Variants in CTNNA3 observed in about 807,000 individuals in gnomAD.
CTNNA3 encodes the protein catenin alpha-3.
A neutral mutation model predicts 95.7 loss-of-function variants in CTNNA3; 76 were observed. The ratio of observed to expected loss-of-function variants is 0.79; its 90% CI spans 0.66 to 0.96. The LOEUF (loss-of-function observed/expected upper bound fraction) is 0.96, where lower values mean the gene tolerates loss of function less well. Among genes scored for constraint, CTNNA3 ranks in the 40% least tolerant of loss-of-function variants. CTNNA3 has a pLI of 0.00. For synonymous variants in CTNNA3, 431 were observed against 374.4 expected, an observed-to-expected ratio of 1.15 and a Z score of -1.74; for missense variants, 1,191 against 1,089.8, an observed-to-expected ratio of 1.09 and a Z score of -1.31.
chr10:67,159,410 G>T (rs1010395785), intron 7 of CTNNA3, among the ~76,000 whole-genome samples: 4 of 151,806 alleles, frequency 2.6e-5, no homozygotes, highest in Non-Finnish European at 5.9e-5. Flanking sequence ...TCATACTTCT[G>T]GATTTCAAAA....
chr10:67,292,128 G>A (rs956060646), intron 5 of CTNNA3, among the ~76,000 whole-genome samples: 1 of 152,150 alleles, frequency 6.6e-6, no homozygotes, highest in Admixed American at 6.5e-5. Context: ...CTTGAATGGC[G>A]GGTGGGGGTC....
chr10:66,763,337 C>CAGAGAGAGAA (rs1204351413), intron 9 of CTNNA3, among the ~76,000 whole-genome samples: 1 of 126,524 alleles, frequency 7.9e-6, no homozygotes, highest in African/African-American at 2.8e-5. Context: ...CACACACACA[C>CAGAGAGAGAA]ACACAGAGAG....
intron 7 of CTNNA3, among the ~76,000 whole-genome samples, chr10:67,110,511 G>A (rs1224086835): frequency 6.6e-6 from 1 of 152,106 alleles, no homozygotes; most frequent in Non-Finnish European, 1.5e-5. Context: ...ACAGTTTCCA[G>A]AAAGGCTTTA....
chr10:67,125,747 C>A (rs991471750), intron 7 of CTNNA3, among the ~76,000 whole-genome samples: 2 of 152,170 alleles, frequency 1.3e-5, no homozygotes, highest in Non-Finnish European at 2.9e-5. Context: ...ATGGCCTGGA[C>A]AGAGTGTGAA....
intron 1 of CTNNA3, among the ~76,000 whole-genome samples, chr10:67,726,604 AT>A (rs1159352480): frequency 3.8e-5 from 1 of 26,216 alleles, no homozygotes; most frequent in Admixed American, 7.0e-4. Context: ...TATATTACAT[AT>A]TATATAATAT....
At chr10:66,917,993 A>G (rs1213738040) in intron 7 of CTNNA3, among the ~76,000 whole-genome samples, 4 of 152,220 alleles carry the variant, frequency 2.6e-5, no homozygotes, top group Non-Finnish European at 5.9e-5. Context: ...ATTTAGGAAT[A>G]TATATAAAAC....
chr10:67,173,707 T>C (rs1427242695), intron 7 of CTNNA3, among the ~76,000 whole-genome samples: 2 of 152,220 alleles, frequency 1.3e-5, no homozygotes, highest in African/African-American at 2.4e-5. Context: ...ATTCTTACTA[T>C]ATTCCTGTCA....
At chr10:67,699,248 T>A (rs1408287745), upstream of CTNNA3, among the ~76,000 whole-genome samples, 1 of 152,138 alleles carries the variant, frequency 6.6e-6, no homozygotes, top group East Asian at 1.9e-4. Context: ...CTCCCTGTGG[T>A]TGCTACTTAG....
At chr10:67,547,210 C>T (rs768110927) in intron 3 of CTNNA3, among the ~76,000 whole-genome samples, 85 of 151,932 alleles carry the variant, frequency 5.6e-4, no homozygotes, top group Admixed American at 3.3e-3. Context: ...CATAGCACCT[C>T]CCCCCCAAAA....
intron 11 of CTNNA3, among the ~76,000 whole-genome samples, chr10:66,495,339 G>A (rs2456680): frequency 0.6 from 90,843 of 151,936 alleles, 28,076 homozygotes; most frequent in East Asian, 0.96. Flanking sequence ...AAATGTAAAG[G>A]AAGCTGATAT....
rs190920345 is a variant in CTNNA3 at position 66,916,763 on chromosome 10, G to A, written c.1048-141239C>T. Among the ~76,000 whole-genome samples, 112 of 152,292 alleles carry A rather than the reference G, an allele frequency of 7.4e-4. 1 individual carries two copies. Among genetic ancestry groups the A allele is most frequent in the Admixed American group, 3.3e-3 (51 of 15,310 alleles). On this transcript the variant is annotated intron_variant, in intron 7 of 17. Coordinates refer to ENST00000433211, the MANE Select transcript of CTNNA3 (RefSeq NM_013266.4). ...GTGCTGGGGGGAAATTGAATTGCAGGACACTCAGTTGATGTCCAGAGAGTT... is the reference window on the plus strand; with the variant it reads ...GTGCTGGGGGGAAATTGAATTGCAGAACACTCAGTTGATGTCCAGAGAGTT...
intron 5 of CTNNA3, among the ~76,000 whole-genome samples, chr10:67,253,751 G>A (rs1200787430): frequency 6.6e-6 from 1 of 152,146 alleles, no homozygotes; most frequent in African/African-American, 2.4e-5. Flanking sequence ...AATCATAAAT[G>A]AAAAACGATG....
chr10:67,499,851 T>C (rs1839171553), intron 5 of CTNNA3, among the ~76,000 whole-genome samples: 1 of 152,328 alleles, frequency 6.6e-6, no homozygotes, highest in African/African-American at 2.4e-5. Context: ...GCTAGAAGTC[T>C]ATCTATTTTG....
intron 16 of CTNNA3, among the ~76,000 whole-genome samples, chr10:65,982,834 T>C (rs1438327257): frequency 6.6e-6 from 1 of 151,352 alleles, no homozygotes; most frequent in East Asian, 1.9e-4. Flanking sequence ...ATACGCATAT[T>C]GTCACAAGGT....
intron 10 of CTNNA3, among the ~76,000 whole-genome samples, chr10:66,606,051 C>T (rs1347608029): frequency 2.0e-5 from 3 of 151,776 alleles, no homozygotes; most frequent in South Asian, 4.2e-4. Context: ...GCAATGACAC[C>T]CATAGGCTCA....
At chr10:67,481,002 A>T (rs952797975) in intron 5 of CTNNA3, among the ~76,000 whole-genome samples, 4 of 152,230 alleles carry the variant, frequency 2.6e-5, no homozygotes. Flanking sequence ...GTTTTTTATC[A>T]TGAAGCAGTG....
intron 7 of CTNNA3, among the ~76,000 whole-genome samples, chr10:66,922,589 T>C (rs1266041940): frequency 1.3e-5 from 2 of 152,190 alleles, no homozygotes; most frequent in East Asian, 3.9e-4. Flanking sequence ...TGATGCCGAC[T>C]TAAGGGGTCG....
chr10:67,349,681 G>C (rs188410696), intron 5 of CTNNA3, among the ~76,000 whole-genome samples: 187 of 152,196 alleles, frequency 1.2e-3, no homozygotes, highest in Non-Finnish European at 1.5e-3. Context: ...TAAAAAATTT[G>C]TTGAAAGTAG....
intron 9 of CTNNA3, among the ~76,000 whole-genome samples, chr10:66,706,829 A>G (rs1266679755): frequency 6.6e-6 from 1 of 152,078 alleles, no homozygotes; most frequent in Non-Finnish European, 1.5e-5. Flanking sequence ...TGTCTACACC[A>G]TAAGGAAAAA....
Sources: allele counts gnomAD v4.1 joint callset (sites outside exome capture counted in the v4.1 genomes callset), GRCh38; gene constraint gnomAD v4.1.1; transcripts MANE v1.5; gene names NCBI Gene and HGNC (gene_info 2026-07-23, HGNC 2026-07-21).